The following STARD13 variants were observed in gnomAD, a reference collection of about 807,000 sequenced individuals.
The protein encoded by STARD13 is StAR related lipid transfer domain containing 13.
A neutral mutation model predicts 106.4 loss-of-function variants in STARD13; 62 were observed. That is an observed-to-expected ratio of 0.58 (90% confidence interval 0.48 to 0.72). STARD13 has a LOEUF of 0.72. Among genes scored for constraint, STARD13 ranks in the 30% least tolerant of loss-of-function variants. The pLI, the probability that STARD13 is intolerant of heterozygous loss-of-function variation, is 0.00. For missense variants in STARD13, 1,387 were observed against 1,424.0 expected (o/e 0.97, Z 0.42); for synonymous variants, 565 against 553.0 (o/e 1.02, Z -0.31).
the STARD13 span, among the ~76,000 whole-genome samples, chr13:33,667,076 G>A: frequency 6.6e-6 from 1 of 152,144 alleles, no homozygotes; most frequent in Non-Finnish European, 1.5e-5. Context: ...ATATAACTTA[G>A]CACTTTTTAA....
intron 1 of STARD13, among the ~76,000 whole-genome samples, chr13:33,243,832 C>A (rs753142879): frequency 2.0e-4 from 31 of 152,054 alleles, no homozygotes; most frequent in Non-Finnish European, 4.0e-4. Flanking sequence ...AGGTCTGGCA[C>A]CTGTAAGGTA....
the STARD13 span, among the ~76,000 whole-genome samples, chr13:33,456,119 A>G: frequency 1.3e-5 from 2 of 152,302 alleles, no homozygotes; most frequent in African/African-American, 4.8e-5. Context: ...CAAGCTATAT[A>G]TGTATCAGTG....
the STARD13 span, among the ~76,000 whole-genome samples, chr13:33,434,464 T>C: frequency 5.3e-5 from 8 of 152,150 alleles, no homozygotes; most frequent in African/African-American, 1.9e-4. Context: ...CCTTACTGTT[T>C]TATACATATA....
At chr13:33,619,579 G>A in the STARD13 span, among the ~76,000 whole-genome samples, 1 of 152,038 alleles carries the variant, frequency 6.6e-6, no homozygotes, top group African/African-American at 2.4e-5. Flanking sequence ...ATAGCTAGCT[G>A]AAAGTATAGG....
chr13:33,559,558 T>C, the STARD13 span, among the ~76,000 whole-genome samples: 1 of 151,346 alleles, frequency 6.6e-6, no homozygotes, highest in African/African-American at 2.5e-5. Context: ...TTAGTGTCCT[T>C]ATAAGAAAAG....
intron 1 of STARD13, among the ~76,000 whole-genome samples, chr13:33,173,478 G>A (rs952536366): frequency 2.0e-5 from 3 of 152,134 alleles, no homozygotes; most frequent in Non-Finnish European, 4.4e-5. Flanking sequence ...GATACAGGAA[G>A]GAATGTCAGA....
intron 1 of STARD13, among the ~76,000 whole-genome samples, chr13:33,322,299 T>C (rs989099217): frequency 3.3e-5 from 5 of 152,204 alleles, no homozygotes; most frequent in Non-Finnish European, 5.9e-5. Flanking sequence ...CCCAAAGTCT[T>C]ACTAACATGA....
chr13:33,509,398 G>A, the STARD13 span, among the ~76,000 whole-genome samples: 5 of 152,214 alleles, frequency 3.3e-5, no homozygotes, highest in African/African-American at 9.6e-5. Context: ...GAAACATAAC[G>A]GGAAAAGAGA....
chr13:33,595,051 T>A, the STARD13 span, among the ~76,000 whole-genome samples: 2 of 152,244 alleles, frequency 1.3e-5, no homozygotes, highest in African/African-American at 4.8e-5. Flanking sequence ...ATATGGTAAT[T>A]CTAGTTTTAA....
chr13:33,372,988 T>C, the STARD13 span, among the ~76,000 whole-genome samples: 1 of 152,150 alleles, frequency 6.6e-6, no homozygotes, highest in East Asian at 1.9e-4. Flanking sequence ...TTTATAAACA[T>C]CCTTACTTCT....
At chr13:33,660,425 T>C in the STARD13 span, among the ~76,000 whole-genome samples, 1 of 152,244 alleles carries the variant, frequency 6.6e-6, no homozygotes, top group Admixed American at 6.5e-5. Flanking sequence ...TCTTACATTT[T>C]GTCTGACTTG....
chr13:33,513,200 G>A, the STARD13 span, among the ~76,000 whole-genome samples: 6 of 152,158 alleles, frequency 3.9e-5, no homozygotes, highest in Non-Finnish European at 7.4e-5. Context: ...CCAGGCATAT[G>A]AGGTTTATTC....
chr13:33,418,245 CT>C, the STARD13 span, among the ~76,000 whole-genome samples: 1 of 152,226 alleles, frequency 6.6e-6, no homozygotes, highest in Admixed American at 6.5e-5. Flanking sequence ...AAATACTGTG[CT>C]TTTTCCATGG....
the STARD13 span, among the ~76,000 whole-genome samples, chr13:33,591,755 G>A: frequency 1.3e-5 from 2 of 152,048 alleles, no homozygotes; most frequent in Non-Finnish European, 2.9e-5. Flanking sequence ...TTGGTCTAGC[G>A]GTGACACTGG....
the STARD13 span, among the ~76,000 whole-genome samples, chr13:33,421,218 A>G: frequency 6.6e-6 from 1 of 152,242 alleles, no homozygotes; most frequent in Non-Finnish European, 1.5e-5. Context: ...AAAGAAGAAC[A>G]GAGAGAAGAA....
the STARD13 span, among the ~76,000 whole-genome samples, chr13:33,499,619 CTTCTT>C: frequency 1.8e-4 from 20 of 109,226 alleles, no homozygotes; most frequent in African/African-American, 2.4e-4. Flanking sequence ...TCTTCTTCTT[CTTCTT>C]CTTCTTCTTC....
intron 4 of STARD13, among the ~76,000 whole-genome samples, chr13:33,140,449 T>C (rs139414154): frequency 6.6e-6 from 1 of 152,352 alleles, no homozygotes; most frequent in Non-Finnish European, 1.5e-5. Flanking sequence ...CAGACAGCTG[T>C]TGGGAGGTTT....
the STARD13 span, among the ~76,000 whole-genome samples, chr13:33,528,253 T>TAC: frequency 2.3e-5 from 3 of 129,812 alleles, no homozygotes; most frequent in African/African-American, 1.1e-4. Flanking sequence ...CATATATATA[T>TAC]ATACATATAT....
intron 3 of STARD13, among the ~76,000 whole-genome samples, chr13:33,159,995 A>G (rs1469240445): frequency 6.6e-6 from 1 of 152,230 alleles, no homozygotes; most frequent in African/African-American, 2.4e-5. Flanking sequence ...TGTAAAATGT[A>G]TATGGAAAGT....
Sources: gnomAD v4.1 joint callset for allele counts (sites outside exome capture counted in the v4.1 genomes callset) on GRCh38, gnomAD v4.1.1 for gene constraint, MANE v1.5 for transcripts, NCBI Gene and HGNC (gene_info 2026-07-23, HGNC 2026-07-21) for gene names.